The following NBAS variants were observed in gnomAD, a reference collection of about 807,000 sequenced individuals.
NBAS encodes NBAS subunit of NRZ tethering complex.
A neutral mutation model predicts 302.5 loss-of-function variants in NBAS; 219 were observed. The observed-to-expected ratio is 0.72, with a 90% CI of 0.65 to 0.81. NBAS has a LOEUF of 0.81. Among genes scored for constraint, NBAS ranks in the 30% least tolerant of loss-of-function variants. The pLI is 0.00. For missense variants in NBAS, 2,932 were observed against 2,841.6 expected (o/e 1.03, Z -0.72); for synonymous variants, 1,118 against 1,021.6 (o/e 1.09, Z -1.80).
At chr2:14,981,654 A>G in the NBAS span, among the ~76,000 whole-genome samples, 2 of 152,230 alleles carry the variant, frequency 1.3e-5, no homozygotes, top group South Asian at 4.1e-4. Context: ...AGGATGGGGC[A>G]GACGTGACTT....
At chr2:15,002,974 G>A in the NBAS span, among the ~76,000 whole-genome samples, 1 of 152,254 alleles carries the variant, frequency 6.6e-6, no homozygotes, top group African/African-American at 2.4e-5. Context: ...AGCCCAGAAG[G>A]GGGCTCCCAC....
chr2:15,135,776 T>A, the NBAS span, among the ~76,000 whole-genome samples: 1 of 151,090 alleles, frequency 6.6e-6, no homozygotes, highest in Non-Finnish European at 1.5e-5. Flanking sequence ...AGCAGGGGTG[T>A]CCAATCTTTT....
intron 48 of NBAS, among the ~76,000 whole-genome samples, chr2:15,204,434 T>A (rs541601301): frequency 6.6e-6 from 1 of 152,102 alleles, no homozygotes; most frequent in South Asian, 2.1e-4. Flanking sequence ...AAGTTTCTTA[T>A]TGACAGAGAG....
At chr2:15,312,238 T>G (rs1671310417) in intron 38 of NBAS, among the ~76,000 whole-genome samples, 1 of 152,200 alleles carries the variant, frequency 6.6e-6, no homozygotes, top group Admixed American at 6.5e-5. Context: ...AATCCCACCT[T>G]ACATCCTCAC....
the NBAS span, among the ~76,000 whole-genome samples, chr2:15,022,890 T>C: frequency 6.6e-6 from 1 of 152,150 alleles, no homozygotes; most frequent in African/African-American, 2.4e-5. Flanking sequence ...AATACAGGTA[T>C]ATGATTTTAT....
chr2:14,837,940 T>C, the NBAS span, among the ~76,000 whole-genome samples: 1 of 151,920 alleles, frequency 6.6e-6, no homozygotes, highest in South Asian at 2.1e-4. Context: ...GGCTGAAATG[T>C]CTATTTCACC....
At chr2:14,929,279 A>T in the NBAS span, among the ~76,000 whole-genome samples, 1 of 152,238 alleles carries the variant, frequency 6.6e-6, no homozygotes, top group Non-Finnish European at 1.5e-5. Context: ...AACATATGTA[A>T]GAATCACACA....
the NBAS span, among the ~76,000 whole-genome samples, chr2:14,854,443 G>A: frequency 1.3e-5 from 2 of 150,504 alleles, no homozygotes; most frequent in Non-Finnish European, 3.0e-5. Flanking sequence ...CATCTACACA[G>A]AAAAAAAACC....
chr2:15,042,140 T>C, the NBAS span, among the ~76,000 whole-genome samples: 10 of 152,218 alleles, frequency 6.6e-5, no homozygotes, highest in African/African-American at 2.2e-4. Context: ...ATTGGTTTCT[T>C]TTGTAAGAAA....
the NBAS span, among the ~76,000 whole-genome samples, chr2:14,885,167 G>C: frequency 1.3e-5 from 2 of 152,218 alleles, no homozygotes; most frequent in African/African-American, 4.8e-5. Flanking sequence ...GTAGAGAATG[G>C]ATTTGGGGTG....
intron 11 of NBAS, among the ~76,000 whole-genome samples, chr2:15,497,324 T>A (rs111850804): frequency 6.6e-6 from 1 of 152,174 alleles, no homozygotes; most frequent in Non-Finnish European, 1.5e-5. Flanking sequence ...TGATTAAGTA[T>A]CTGCTAATGT....
intron 48 of NBAS, among the ~76,000 whole-genome samples, chr2:15,217,693 A>T (rs904656676): frequency 1.3e-5 from 2 of 152,230 alleles, no homozygotes; most frequent in Non-Finnish European, 2.9e-5. Context: ...CAGGTGCATC[A>T]ATTTAGAATT....
intron 45 of NBAS, among the ~76,000 whole-genome samples, chr2:15,235,342 G>T (rs1283049357): frequency 6.6e-6 from 1 of 152,134 alleles, no homozygotes; most frequent in Non-Finnish European, 1.5e-5. Flanking sequence ...GAACCCAAAA[G>T]TCTATTCCCC....
chr2:15,558,423 T>C (rs549659396), intron 2 of NBAS, among the ~76,000 whole-genome samples, 157 bp downstream of exon 2: 19 of 152,222 alleles, frequency 1.2e-4, no homozygotes, highest in African/African-American at 4.3e-4. Flanking sequence ...AATATACAAA[T>C]GTATACATAT....
At chr2:15,260,074 T>C (rs1481555283) in intron 44 of NBAS, among the ~76,000 whole-genome samples, 2 of 152,244 alleles carry the variant, frequency 1.3e-5, no homozygotes, top group Admixed American at 6.5e-5. Flanking sequence ...TCAAATCACA[T>C]ATGTTGTATA....
chr2:14,850,441 G>T, the NBAS span, among the ~76,000 whole-genome samples: 1 of 95,300 alleles, frequency 1.0e-5, no homozygotes, highest in Non-Finnish European at 1.9e-5. Context: ...AGTCCTCAGT[G>T]ACCTACAAAG....
the NBAS span, among the ~76,000 whole-genome samples, chr2:14,836,649 C>G: frequency 6.6e-6 from 1 of 151,858 alleles, no homozygotes; most frequent in African/African-American, 2.4e-5. Flanking sequence ...TTTTTTATAT[C>G]TAGCAGAAGA....
chr2:14,812,334 CA>C, the NBAS span, among the ~76,000 whole-genome samples: 2 of 152,186 alleles, frequency 1.3e-5, no homozygotes, highest in African/African-American at 4.8e-5. Context: ...ATGCCAACCC[CA>C]GAGCCAATGT....
chr2:15,401,433 G>C (rs963576265), intron 26 of NBAS, among the ~76,000 whole-genome samples: 1 of 152,092 alleles, frequency 6.6e-6, no homozygotes, highest in African/African-American at 2.4e-5. Flanking sequence ...AGAAAACAGA[G>C]AATGAGGCTT....
Sources: allele counts gnomAD v4.1 joint callset (sites outside exome capture counted in the v4.1 genomes callset), GRCh38; gene constraint gnomAD v4.1.1; transcripts MANE v1.5; gene names NCBI Gene and HGNC (gene_info 2026-07-23, HGNC 2026-07-21).